Variants in CCDC93 observed in about 807,000 individuals in gnomAD.
CCDC93 encodes the protein CCC complex scaffolding subunit CCDC93.
CCDC93 carries 61 observed loss-of-function variants against 108.2 expected under a neutral mutation model. The observed-to-expected ratio is 0.56, with a 90% CI of 0.46 to 0.70. The LOEUF is 0.70. Among genes scored for constraint, CCDC93 ranks in the 30% least tolerant of loss-of-function variants. The pLI, the probability that CCDC93 is intolerant of heterozygous loss-of-function variation, is 0.00. For synonymous variants in CCDC93, 276 were observed against 260.4 expected (o/e 1.06, Z -0.58); for missense variants, 685 against 764.2 (o/e 0.90, Z 1.22).
chr2:117,929,035 T>TC (rs1678228614), intron 23 of CCDC93, among the ~76,000 whole-genome samples: 1 of 149,742 alleles, frequency 6.7e-6, no homozygotes, highest in Admixed American at 6.7e-5. Context: ...CCACATGTTT[T>TC]CACTCATAGT....
At chr2:117,958,222 T>C (rs1292325137) in intron 12 of CCDC93, 143 bp downstream of exon 12, 5 of 614,714 alleles carry the variant, frequency 8.1e-6, no homozygotes, top group South Asian at 2.0e-5. Flanking sequence ...GGATGTGTTA[T>C]GTTGTAATAA....
At chr2:117,990,307 G>A (rs1680438699) in intron 6 of CCDC93, among the ~76,000 whole-genome samples, 1 of 152,192 alleles carries the variant, frequency 6.6e-6, no homozygotes, top group East Asian at 1.9e-4. Context: ...ACCTCCTGTT[G>A]GGCAGGCCTT....
intron 4 of CCDC93, 42 bp from the exon 5 acceptor site, chr2:117,996,404 A>T (rs767137626): frequency 2.8e-6 from 4 of 1,424,820 alleles, no homozygotes; most frequent in South Asian, 1.1e-5. Context: ...TAAGGACAAC[A>T]TCCCACTGAA....
At chr2:117,986,572 A>C (rs1680326549) in intron 6 of CCDC93, among the ~76,000 whole-genome samples, 1 of 152,108 alleles carries the variant, frequency 6.6e-6, no homozygotes, top group Non-Finnish European at 1.5e-5. Flanking sequence ...GGATATCACC[A>C]CAAAAAGCAT....
chr2:117,926,518 G>A (rs1156399588), intron 23 of CCDC93, among the ~76,000 whole-genome samples: 1 of 152,190 alleles, frequency 6.6e-6, no homozygotes, highest in Non-Finnish European at 1.5e-5. Context: ...AGAAAATCTA[G>A]AAGAAATGGA....
chr2:117,993,481 T>C (rs1416468962), intron 6 of CCDC93, among the ~76,000 whole-genome samples: 1 of 152,076 alleles, frequency 6.6e-6, no homozygotes, highest in Non-Finnish European at 1.5e-5. Flanking sequence ...CTTACTGTTT[T>C]GAATAGGTAA....
chr2:117,978,663 T>G (rs1349408963), intron 7 of CCDC93, among the ~76,000 whole-genome samples: 1 of 152,156 alleles, frequency 6.6e-6, no homozygotes, highest in Non-Finnish European at 1.5e-5. Flanking sequence ...CTCATACACC[T>G]TTAAGTGATT....
In CCDC93 at chr2:117,952,421, G is replaced by A; in HGVS notation, c.1020C>T (p.His340=). The A allele has an allele frequency of 2.5e-6, 4 of 1,612,882 alleles. No homozygotes were observed. The highest frequency in any genetic ancestry group is 3.4e-6 in the Non-Finnish European group (4 of 1,178,830). ...CATTATATCTGGCTTGTAGGCTGGT[G>A]TGACTTGCTCGCAGCTGTAAATGAA... ...TKHLEELRAS[H]TSLQARYNEA... is the part of the protein sequence containing the mutation. The change falls in exon 13 of 24, where the codon CAC becomes CAT. Residue 340 remains histidine, a synonymous_variant. Transcript: ENST00000376300.
chr2:117,945,738 G>A (rs1678850484), intron 16 of CCDC93, among the ~76,000 whole-genome samples, 156 bp from the exon 17 acceptor site: 1 of 152,168 alleles, frequency 6.6e-6, no homozygotes, highest in African/African-American at 2.4e-5. Context: ...AGAGCAGAAA[G>A]GGAACTGCCC....
rs1270586749 is a variant in CCDC93, at chr2:117,915,573, A to T, written c.*4770T>A. On this transcript the variant is annotated 3_prime_UTR_variant, in exon 24 of 24. Transcript: ENST00000376300. ...TCTATTAAGAAAAGTATACCAAATT[A>T]AAAATTAAGAACTATTTTTTAATAG... 6.6e-6 allele frequency: 1 copy of T among 152,204 alleles called. No individual in the cohort carries two copies. The highest frequency in any genetic ancestry group is 1.5e-5 in the Non-Finnish European group (1 of 68,044). 9.4% of individuals were successfully genotyped at this position (152,204 alleles called of 1,614,324 possible).
chr2:117,951,325 C>A (rs1490664328), intron 13 of CCDC93: 5 of 985,196 alleles, frequency 5.1e-6, no homozygotes, highest in Admixed American at 6.2e-5. Context: ...GCAAGGCAGG[C>A]GTCTTTATGA....
chr2:117,992,528 A>C (rs1680505841), intron 6 of CCDC93, among the ~76,000 whole-genome samples: 1 of 152,082 alleles, frequency 6.6e-6, no homozygotes, highest in African/African-American at 2.4e-5. Flanking sequence ...ACGGGCATGA[A>C]CCACCAGGCC....
Position 117,932,716 on chromosome 2 carries a change from A to G in CCDC93, c.1729-1566T>C, listed in dbSNP as rs1678388330. 2.0e-5 allele frequency among the ~76,000 whole-genome samples: 3 copies of G among 152,178 alleles called. No individual in the cohort carries two copies. The South Asian group carries it at 6.2e-4, about 31-fold the overall frequency. ...AGCAAGTCCTGATCCCTGTCGATGGAACCCCTAATGCTGCCTGCATGGGTC... is the reference window on the plus strand; with the variant it reads ...AGCAAGTCCTGATCCCTGTCGATGGGACCCCTAATGCTGCCTGCATGGGTC... On this transcript the variant is annotated intron_variant, in intron 22 of 23. Coordinates refer to ENST00000376300, the MANE Select transcript of CCDC93 (RefSeq NM_019044.5).
Position 117,920,285 on chromosome 2 carries a change from AG to A in CCDC93, c.*57del. On this transcript the variant is annotated 3_prime_UTR_variant, in exon 24 of 24. Coordinates refer to ENST00000376300, the MANE Select transcript of CCDC93 (RefSeq NM_019044.5). The stretch of plus-strand genomic sequence containing the variant: ...TTTCAGAACCATTTCATGATCTTGT[AG>A]GTGATATACGGTGCTTAAAAGTAAA... The A allele has an allele frequency of 9.0e-7, 1 of 1,113,696 alleles. No individual in the cohort carries two copies. The highest frequency in any genetic ancestry group is 1.4e-6 in the Non-Finnish European group (1 of 735,530). 69.0% of individuals were successfully genotyped at this position (1,113,696 alleles called of 1,614,324 possible). A position where few individuals can be genotyped will look rare whatever the true frequency, so the allele number is the denominator to read the frequency against.
chr2:117,987,355 G>A (rs181559968), intron 6 of CCDC93, among the ~76,000 whole-genome samples: 1 of 152,254 alleles, frequency 6.6e-6, no homozygotes, highest in East Asian at 1.9e-4. Context: ...GCTTGTCCCT[G>A]ACACTACCTT....
intron 16 of CCDC93, 52 bp from the exon 17 acceptor site, chr2:117,945,634 A>G (rs1333592832): frequency 1.3e-6 from 2 of 1,515,920 alleles, no homozygotes; most frequent in Admixed American, 1.7e-5. Context: ...CGGGAATAAG[A>G]CAGAAGCCAA....
At chr2:117,987,597 A>G (rs1395239342) in intron 6 of CCDC93, among the ~76,000 whole-genome samples, 1 of 152,176 alleles carries the variant, frequency 6.6e-6, no homozygotes, top group African/African-American at 2.4e-5. Context: ...AGTTCCCCTC[A>G]ATGGGCCTCA....
Position 117,920,330 on chromosome 2 carries a change from C to T in CCDC93, c.*13G>A, listed in dbSNP as rs374021328. On this transcript the variant is annotated 3_prime_UTR_variant, in exon 24 of 24. Coordinates refer to ENST00000376300, the MANE Select transcript of CCDC93 (RefSeq NM_019044.5). The stretch of plus-strand genomic sequence containing the variant: ...AAGTAAAATCAATGACATACAGCCA[C>T]GGCTGGGGATGTTCAGGAGGCCTTC... 30 of 1,605,002 alleles carry T rather than the reference C, an allele frequency of 1.9e-5. No individual in the cohort carries two copies. Among genetic ancestry groups the T allele is most frequent in the Middle Eastern group, 1.6e-4 (1 of 6,064 alleles).
intron 8 of CCDC93, among the ~76,000 whole-genome samples, chr2:117,975,684 T>C (rs562652210): frequency 1.3e-5 from 2 of 152,338 alleles, no homozygotes; most frequent in East Asian, 1.9e-4. Flanking sequence ...CTAGCATCTG[T>C]ATAAATTAAC....
Sources: gnomAD v4.1 joint callset for allele counts (sites outside exome capture counted in the v4.1 genomes callset) on GRCh38, gnomAD v4.1.1 for gene constraint, MANE v1.5 for transcripts, NCBI Gene and HGNC (gene_info 2026-07-23, HGNC 2026-07-21) for gene names.